LRRC9: variants seen among roughly 807,000 people sequenced by gnomAD.
LRRC9 encodes the protein leucine rich repeat containing 9.
Under a neutral mutation model 63.2 loss-of-function variants are expected in LRRC9, and 122 were observed. That is an observed-to-expected ratio of 1.93 (90% CI 1.67 to 2.24). The LOEUF (loss-of-function observed/expected upper bound fraction) is 2.24. Among genes scored for constraint, LRRC9 ranks in the 30% most tolerant of loss-of-function variants. LRRC9 has a pLI of 0.00. For synonymous variants in LRRC9, 366 were observed against 213.1 expected, an observed-to-expected ratio of 1.72 and a Z score of -6.25; for missense variants, 1,071 against 627.7, an observed-to-expected ratio of 1.71 and a Z score of -7.55.
At chr14:59,946,530 A>G (rs1882426498) in intron 8 of LRRC9, among the ~76,000 whole-genome samples, 1 of 148,962 alleles carries the variant, frequency 6.7e-6, no homozygotes, top group African/African-American at 2.5e-5. Flanking sequence ...TTATACTTTA[A>G]GTTTTAGGGT....
In LRRC9 at chr14:59,942,061, G is replaced by C. The variant is rs1881824512; in HGVS notation, c.727-2528G>C. 6.6e-6 allele frequency among the ~76,000 whole-genome samples: 1 copy of C among 152,072 alleles called. No homozygotes were observed. The highest frequency in any genetic ancestry group is 6.6e-5 in the Admixed American group (1 of 15,258). On this transcript the variant is annotated intron_variant, in intron 7 of 31. Transcript: ENST00000445360. This position sits in a 1 kb window ranked among gnomAD's most constrained non-coding sequence, Gnocchi z 5.3. ...TCTCATACGTGAGTGATAACATGCA[G>C]TCTTTATTTTTCTGTGCTTGACTTA...
chr14:60,066,348 A>G (rs529975702), downstream of LRRC9, among the ~76,000 whole-genome samples: 4 of 151,824 alleles, frequency 2.6e-5, no homozygotes, highest in African/African-American at 9.7e-5. Context: ...ATTAGATCTC[A>G]CTCTTAGTCA....
At position 59,932,093 on chromosome 14, in the gene LRRC9, T is replaced by C. The variant is rs1889758641; in HGVS notation, c.543+54T>C. 2.1e-5 allele frequency: 14 copies of C among 680,472 alleles called. No individual in the cohort carries two copies. Among genetic ancestry groups the C allele is most frequent in the South Asian group, 9.5e-5 (6 of 63,308 alleles). The allele number at this position is 680,472 out of a possible 1,614,324, so 42.2% of individuals were successfully genotyped here. On this transcript the variant is annotated intron_variant, in intron 6 of 31. Transcript: ENST00000445360. This position sits in a 1 kb window ranked among gnomAD's most constrained non-coding sequence, Gnocchi z 4.7. The stretch of plus-strand genomic sequence containing the variant: ...ATTTATCATCCTGAATCATGAACCA[T>C]TGTGTTGCAGAAACTGTACTAAAAA...
At chr14:59,965,078 T>A (rs939196310) in intron 10 of LRRC9, among the ~76,000 whole-genome samples, 1 of 152,198 alleles carries the variant, frequency 6.6e-6, no homozygotes, top group Non-Finnish European at 1.5e-5. Context: ...GATCTTTCAT[T>A]AAAGGCAAAT....
intron 1 of LRRC9, among the ~76,000 whole-genome samples, chr14:59,924,101 T>C (rs1160729610): frequency 6.6e-6 from 1 of 152,242 alleles, no homozygotes; most frequent in South Asian, 2.1e-4. Flanking sequence ...ACAATAGTTA[T>C]CTTGGACAAA....
At chr14:60,020,643 C>T (rs540250037) in intron 26 of LRRC9, among the ~76,000 whole-genome samples, 1 of 152,056 alleles carries the variant, frequency 6.6e-6, no homozygotes, top group African/African-American at 2.4e-5. Context: ...TCCTTTCCCA[C>T]CTCTAGTCCC....
chr14:59,953,255 A>G (rs1197596666), intron 8 of LRRC9, among the ~76,000 whole-genome samples: 1 of 152,192 alleles, frequency 6.6e-6, no homozygotes, highest in African/African-American at 2.4e-5. Context: ...CAATGGTTGA[A>G]CTAATTTACA....
intron 29 of LRRC9, among the ~76,000 whole-genome samples, chr14:60,047,090 T>C (rs1260319860): frequency 1.3e-5 from 2 of 152,046 alleles, no homozygotes; most frequent in African/African-American, 4.8e-5. Flanking sequence ...GAATGCTAGC[T>C]TTTTTGCACA....
chr14:60,055,253 A>G (rs1282229631), intron 30 of LRRC9, among the ~76,000 whole-genome samples: 2 of 152,218 alleles, frequency 1.3e-5, no homozygotes, highest in African/African-American at 4.8e-5. Flanking sequence ...TTTTTCTAAA[A>G]ACTATGGTTT....
chr14:60,054,012 T>C (rs937078290), intron 30 of LRRC9: 8 of 417,700 alleles, frequency 1.9e-5, no homozygotes, highest in African/African-American at 1.7e-4. Context: ...TATAAATGAA[T>C]CTTTGATGTA....
chr14:59,963,455 C>T (rs1166596550), intron 10 of LRRC9, among the ~76,000 whole-genome samples: 1 of 151,754 alleles, frequency 6.6e-6, no homozygotes, highest in African/African-American at 2.4e-5. Context: ...ATAAAAGATG[C>T]TGTCCTTGTG....
intron 19 of LRRC9, 84 bp downstream of exon 19, chr14:59,999,310 T>G: frequency 1.7e-6 from 1 of 584,160 alleles, no homozygotes; most frequent in Non-Finnish European, 3.0e-6. Context: ...TCATTAAGAT[T>G]TTATAGTCCC....
In LRRC9 at chr14:60,042,824, C is replaced by T. The variant is rs533550394; in HGVS notation, c.3991-10241C>T. On this transcript the variant is annotated intron_variant, in intron 29 of 31. Coordinates refer to ENST00000445360, the Ensembl canonical transcript of LRRC9. The surrounding 1 kb of genome is among the most constrained non-coding windows in gnomAD (Gnocchi z 4.2). ...TGCAGAAATCACCCATCTTCGGTGT[C>T]GCTCACACTGGGAGCTGTAGACTGG... is the stretch of plus-strand genomic sequence containing the variant. Among the ~76,000 whole-genome samples, 7 of 152,286 alleles carry T rather than the reference C, an allele frequency of 4.6e-5. No individual in the cohort carries two copies. Among genetic ancestry groups the T allele is most frequent in the South Asian group, 4.1e-4 (2 of 4,824 alleles).
chr14:60,058,672 C>G lies in LRRC9; in HGVS notation c.4276+650C>G, dbSNP rs1894454064. Among the ~76,000 whole-genome samples, 1 of 152,210 alleles carries G rather than the reference C, an allele frequency of 6.6e-6. No individual in the cohort carries two copies. Among genetic ancestry groups the G allele is most frequent in the South Asian group, 2.1e-4 (1 of 4,824 alleles). ...ATTTTGGCAAAACTGGGGGTAAGTA[C>G]TCCTTCTCTGAGGGCTCACCTCTTC... On this transcript the variant is annotated intron_variant, in intron 31 of 31. Transcript: ENST00000445360. This position sits in a 1 kb window ranked among gnomAD's most constrained non-coding sequence, Gnocchi z 4.4.
At chr14:60,006,365 G>A (rs966543501) in intron 21 of LRRC9, 32 bp from the exon 22 acceptor site, 3 of 670,532 alleles carry the variant, frequency 4.5e-6, no homozygotes, top group Non-Finnish European at 8.1e-6. Flanking sequence ...AGTGTTATCT[G>A]AATCTTTTCT....
At chr14:60,024,864 G>A (rs181280921) in intron 27 of LRRC9, among the ~76,000 whole-genome samples, 8 of 151,110 alleles carry the variant, frequency 5.3e-5, no homozygotes, top group African/African-American at 1.7e-4. Context: ...TTGTTGGAGC[G>A]TACTTACTGT....
At chr14:60,044,751 G>A (rs1893262028) in intron 29 of LRRC9, among the ~76,000 whole-genome samples, 1 of 152,180 alleles carries the variant, frequency 6.6e-6, no homozygotes, top group Non-Finnish European at 1.5e-5. Flanking sequence ...TGAAAAGAAT[G>A]TGTATTCTGA....
intron 8 of LRRC9, among the ~76,000 whole-genome samples, chr14:59,954,021 T>A (rs1293945033): frequency 6.6e-6 from 1 of 152,230 alleles, no homozygotes; most frequent in African/African-American, 2.4e-5. Context: ...TTGGTCTATA[T>A]ATCCATTTTG....
chr14:60,065,642 C>A, downstream of LRRC9, among the ~76,000 whole-genome samples: 1 of 21,984 alleles, frequency 4.5e-5, no homozygotes, highest in Non-Finnish European at 1.7e-4. Context: ...AGTGAGACTC[C>A]CTCTCAAAAA....
Sources: gnomAD v4.1 joint callset for allele counts (sites outside exome capture counted in the v4.1 genomes callset) on GRCh38, gnomAD v4.1.1 for gene constraint, Gnocchi (gnomAD v3.1) non-coding constraint, MANE v1.5 for transcripts, NCBI Gene and HGNC (gene_info 2026-07-23, HGNC 2026-07-21) for gene names.